The following SLC12A2 variants were observed in gnomAD, a reference collection of about 807,000 sequenced individuals.
SLC12A2 encodes the protein solute carrier family 12 member 2.
Under a neutral mutation model 136.3 loss-of-function variants are expected in SLC12A2, and 67 were observed. The ratio of observed to expected loss-of-function variants is 0.49; its 90% confidence interval spans 0.40 to 0.60. The LOEUF (loss-of-function observed/expected upper bound fraction) is 0.60, where lower values mean the gene tolerates loss of function less well. Ranked by LOEUF, SLC12A2 falls within the 20% of genes least tolerant of loss-of-function variation. The pLI is 0.00. For synonymous variants in SLC12A2, 619 were observed against 562.9 expected, an observed-to-expected ratio of 1.10 and a Z score of -1.41; for missense variants, 1,322 against 1,534.7, an observed-to-expected ratio of 0.86 and a Z score of 2.32.
In SLC12A2 at chr5:128,186,581, A is replaced by G; in HGVS notation, c.3589A>G (p.Ile1197Val). The G allele has an allele frequency of 1.2e-6, 2 of 1,613,966 alleles. No homozygotes were observed. The highest frequency in any genetic ancestry group is 1.3e-5 in the African/African-American group (1 of 75,000). ...LEALSKDLPP[I>V]LLVRGNHQSV... ...AGCTCTATCTAAGGACCTACCACCA[A>G]TCCTCCTAGTTCGTGGGAATCATCA... Residue 1197 changes from isoleucine (I) to valine (V), a missense_variant, in exon 27 of 27, where the codon ATC becomes GTC. Coordinates refer to ENST00000262461, the MANE Select transcript of SLC12A2 (RefSeq NM_001046.3).
At chr5:128,098,621 A>C (rs1484607213) in intron 1 of SLC12A2, among the ~76,000 whole-genome samples, 1 of 151,718 alleles carries the variant, frequency 6.6e-6, no homozygotes, top group African/African-American at 2.4e-5. Context: ...TTCTTCTGAA[A>C]ATTATTGTTG....
At chr5:128,110,603 C>G in intron 1 of SLC12A2, 5 of 1,067,098 alleles carry the variant, frequency 4.7e-6, no homozygotes, top group Non-Finnish European at 5.9e-6. Flanking sequence ...GGCATCGTAG[C>G]AGCTTATCAC....
intron 15 of SLC12A2, among the ~76,000 whole-genome samples, chr5:128,154,116 TA>T (rs1377683975): frequency 6.6e-6 from 1 of 151,392 alleles, no homozygotes; most frequent in Non-Finnish European, 1.5e-5. Flanking sequence ...AAGCCAACAT[TA>T]AAAAAAATTT....
chr5:128,174,788 T>C, intron 20 of SLC12A2, 122 bp downstream of exon 20: 1 of 751,498 alleles, frequency 1.3e-6, no homozygotes, highest in Non-Finnish European at 2.0e-6. Context: ...TGGTCATTTC[T>C]AGCTGGTCAG....
At chr5:128,089,183 AAAAG>A (rs1277346459) in intron 1 of SLC12A2, among the ~76,000 whole-genome samples, 15 of 151,686 alleles carry the variant, frequency 9.9e-5, no homozygotes, top group Non-Finnish European at 1.3e-4. Flanking sequence ...AAAAAAAAAA[AAAAG>A]AAAGAAACAC....
intron 4 of SLC12A2, among the ~76,000 whole-genome samples, chr5:128,124,153 C>T (rs1216786856): frequency 6.6e-6 from 1 of 152,136 alleles, no homozygotes; most frequent in Non-Finnish European, 1.5e-5. Context: ...CTCTTAACAC[C>T]ATTCATGAAG....
rs1561644643 is a variant in SLC12A2 at position 128,084,257 on chromosome 5, G to GCGGCA, written c.303_304insCGGCA (p.Ala102ArgfsTer42). ...CCGCTGCTGCGGCGGCGGCGGCGGC[G>GCGGCA]GCGGCAGCGGCGGCGGCTGGTGCTG... On this transcript the variant is annotated frameshift_variant, in exon 1 of 27. Transcript: ENST00000262461. LOFTEE classifies it high-confidence loss of function. This position sits in a 1 kb window ranked among gnomAD's most constrained non-coding sequence, Gnocchi z 5.6. 3 of 1,213,430 alleles carry GCGGCA rather than the reference G, an allele frequency of 2.5e-6. No homozygotes were observed. The highest frequency in any genetic ancestry group is 4.3e-5 in the Admixed American group (1 of 23,316). 75.2% of individuals were successfully genotyped at this position (1,213,430 alleles called of 1,614,324 possible). A position where few individuals can be genotyped will look rare whatever the true frequency, so the allele number is the denominator to read the frequency against.
At chr5:128,104,646 A>G (rs1256974031) in intron 1 of SLC12A2, among the ~76,000 whole-genome samples, 1 of 141,976 alleles carries the variant, frequency 7.0e-6, no homozygotes, top group Non-Finnish European at 1.5e-5. Flanking sequence ...AAAAGAAAAA[A>G]AAATATATAT....
chr5:128,167,249 T>A (rs1052539159), intron 17 of SLC12A2, among the ~76,000 whole-genome samples: 3 of 152,034 alleles, frequency 2.0e-5, no homozygotes, highest in African/African-American at 7.2e-5. Flanking sequence ...CCTGATGAGG[T>A]TGCAAGAAAA....
chr5:128,139,116 G>C (rs550474409), intron 9 of SLC12A2, among the ~76,000 whole-genome samples: 13 of 151,932 alleles, frequency 8.6e-5, no homozygotes, highest in African/African-American at 3.1e-4. Flanking sequence ...AATGCTTTAT[G>C]GTATCTCCAG....
intron 10 of SLC12A2, among the ~76,000 whole-genome samples, chr5:128,143,783 C>A: frequency 6.6e-6 from 1 of 151,188 alleles, no homozygotes; most frequent in East Asian, 1.9e-4. Context: ...ATTGTATAAA[C>A]AGAATAATTT....
chr5:128,122,909 G>A (rs1336661729), intron 4 of SLC12A2, among the ~76,000 whole-genome samples: 1 of 151,936 alleles, frequency 6.6e-6, no homozygotes, highest in Non-Finnish European at 1.5e-5. Flanking sequence ...TGAAATGTTT[G>A]AAGCAGCTGT....
chr5:128,182,010 A>G (rs903025912), intron 23 of SLC12A2, among the ~76,000 whole-genome samples: 16 of 147,070 alleles, frequency 1.1e-4, no homozygotes, highest in African/African-American at 3.5e-4. Context: ...TCATCACATT[A>G]TGGCTGGTAT....
chr5:128,105,308 C>T (rs578208743), intron 1 of SLC12A2, among the ~76,000 whole-genome samples: 3 of 152,180 alleles, frequency 2.0e-5, no homozygotes, highest in African/African-American at 7.2e-5. Flanking sequence ...GAGTCTGGTA[C>T]GATAACCATG....
chr5:128,156,811 A>G (rs1016413103), intron 15 of SLC12A2, among the ~76,000 whole-genome samples: 8 of 152,128 alleles, frequency 5.3e-5, no homozygotes, highest in Non-Finnish European at 1.0e-4. Flanking sequence ...CTTTCTGGAA[A>G]GGGGGAAGAA....
chr5:128,184,456 A>G lies in SLC12A2; in HGVS notation c.3390A>G (p.Glu1130=), dbSNP rs778264465. 3.6e-5 allele frequency: 58 copies of G among 1,609,188 alleles called. 1 individual carries two copies. The East Asian group carries it at 1.3e-3, about 35-fold the overall frequency. ...TTGCAGATAAAATGAAAGAAGATGA[A>G]CCATGGCGAATAACAGATAATGAGC... The part of the protein sequence containing the change: ...QDIADKMKED[E]PWRITDNELE... Residue 1130 remains glutamate (E), a synonymous_variant, in exon 25 of 27, where the codon GAA becomes GAG. Transcript: ENST00000262461.
intron 13 of SLC12A2, among the ~76,000 whole-genome samples, 192 bp from the exon 14 acceptor site, chr5:128,151,049 A>T (rs566866639): frequency 6.6e-6 from 1 of 152,136 alleles, no homozygotes; most frequent in South Asian, 2.1e-4. Context: ...TTTCATAGCC[A>T]TCAAGAATTG....
chr5:128,176,431 C>T (rs981044453), intron 20 of SLC12A2, among the ~76,000 whole-genome samples: 5 of 151,804 alleles, frequency 3.3e-5, no homozygotes, highest in Admixed American at 2.0e-4. Context: ...TTAATACAAG[C>T]TTGTATTAAG....
chr5:128,101,969 C>T (rs868539207), intron 1 of SLC12A2, among the ~76,000 whole-genome samples: 2 of 152,090 alleles, frequency 1.3e-5, no homozygotes, highest in Admixed American at 1.3e-4. Flanking sequence ...TAATCTTAAA[C>T]TCTGCCAATA....
Sources: gnomAD v4.1 joint callset for allele counts (sites outside exome capture counted in the v4.1 genomes callset) on GRCh38, gnomAD v4.1.1 for gene constraint, Gnocchi (gnomAD v3.1) non-coding constraint, MANE v1.5 for transcripts, NCBI Gene and HGNC (gene_info 2026-07-23, HGNC 2026-07-21) for gene names.